Variants in DPYSL4 observed in about 807,000 individuals in gnomAD.
The protein encoded by DPYSL4 is dihydropyrimidinase-related protein 4.
DPYSL4 carries 43 observed loss-of-function variants against 63.4 expected under a neutral mutation model. The ratio of observed to expected loss-of-function variants is 0.68; its 90% CI spans 0.53 to 0.88. DPYSL4 has a LOEUF of 0.88. DPYSL4 is among the 40% of genes least tolerant of loss of function. The probability of loss-of-function intolerance (pLI) is 0.00; values close to 1 mark genes in which losing one functional copy is unlikely to be tolerated. For missense variants in DPYSL4, 733 were observed against 819.5 expected (o/e 0.89, Z 1.29); for synonymous variants, 353 against 331.7 (o/e 1.06, Z -0.70).
intron 4 of DPYSL4, 93 bp from the exon 5 acceptor site, chr10:132,196,768 G>A (rs2137512033): frequency 6.9e-7 from 1 of 1,453,478 alleles, no homozygotes; most frequent in Non-Finnish European, 9.6e-7. Context: ...AGGGGCCCAA[G>A]ACCCCCAACC....
rs2062058297 is a variant in DPYSL4, at chr10:132,203,903, C to T, written c.1603C>T (p.His535Tyr). Residue 535 changes from histidine to tyrosine, a missense_variant, in exon 13 of 14, where the codon CAT becomes TAT. His to Tyr is a moderately conservative substitution (Grantham distance 83). Coordinates refer to ENST00000338492, the MANE Select transcript of DPYSL4 (RefSeq NM_006426.3). The stretch of plus-strand genomic sequence containing the variant: ...CTCCGTCCCTCCTGTGCGCAACCTA[C>T]ATCAGTCGGGGTTCAGCCTATCTGG... ...KISVPPVRNL[H>Y]QSGFSLSGSQ... is the part of the protein sequence containing the mutation. The T allele has an allele frequency of 6.2e-7, 1 of 1,608,162 alleles. No homozygotes were observed.
rs1279673047 is a variant in DPYSL4 at position 132,192,551 on chromosome 10, C to T, written c.129-107C>T. 1.6e-5 allele frequency: 24 copies of T among 1,465,542 alleles called. 1 individual carries two copies. The highest frequency in any genetic ancestry group is 1.0e-4 in the South Asian group (7 of 67,702). 90.8% of individuals were successfully genotyped at this position (1,465,542 alleles called of 1,614,324 possible). On this transcript the variant is annotated intron_variant, in intron 2 of 13. Transcript: ENST00000338492. Reference sequence around the variant, plus strand: ...TGGCCGGCCGTGCTGGCCTTTTCCTCGGGGTCTGGAGCTCATGCAAACCCT... The same window carrying T: ...TGGCCGGCCGTGCTGGCCTTTTCCTTGGGGTCTGGAGCTCATGCAAACCCT...
In DPYSL4 at chr10:132,189,031, C is replaced by T. The variant is rs142409920; in HGVS notation, c.40-1716C>T. On this transcript the variant is annotated intron_variant, in intron 1 of 13. Transcript: ENST00000338492. ...TGTAATGGAGTTCCTAGATAATGAA[C>T]TCCTTCTCATTCTGAGAGTTTTACC... Among the ~76,000 whole-genome samples the T allele has an allele frequency of 8.4e-3, 1,277 of 152,316 alleles. 19 individuals carry two copies. Among genetic ancestry groups the T allele is most frequent in the African/African-American group, 0.029 (1,202 of 41,554 alleles).
chr10:132,203,608 G>C (rs1040747579), intron 12 of DPYSL4, 154 bp from the exon 13 acceptor site: 23 of 695,112 alleles, frequency 3.3e-5, no homozygotes, highest in Non-Finnish European at 5.2e-5. Context: ...CCCCCCCAGG[G>C]CAGCCCCAAA....
rs190932884 is a variant in DPYSL4, at chr10:132,191,205, G to A, written c.128+370G>A. 3.7e-4 allele frequency among the ~76,000 whole-genome samples: 28 copies of A among 76,392 alleles called. 5 individuals carry two copies. Among genetic ancestry groups the A allele is most frequent in the Non-Finnish European group, 3.8e-4 (14 of 36,728 alleles). The allele number at this position is 76,392 out of a possible 152,430, so 50.1% of individuals were successfully genotyped here. ...AGTTGAAAGTATGTTCCCAGCTCTT[G>A]TGTACACACTGGTCACGTGGTATCC... is the stretch of plus-strand genomic sequence containing the variant. On this transcript the variant is annotated intron_variant, in intron 2 of 13. Transcript: ENST00000338492.
chr10:132,202,264 G>A, intron 11 of DPYSL4, 148 bp downstream of exon 11: 1 of 1,061,470 alleles, frequency 9.4e-7, no homozygotes, highest in Non-Finnish European at 1.3e-6. Context: ...CCTGTCCCAG[G>A]CCAGACACTG....
At position 132,200,436 on chromosome 10, in the gene DPYSL4, G is replaced by A; in HGVS notation, c.892G>A (p.Ala298Thr). The A allele has an allele frequency of 1.2e-6, 2 of 1,613,556 alleles. No homozygotes were observed. Among genetic ancestry groups the A allele is most frequent in the Non-Finnish European group, 1.7e-6 (2 of 1,179,924 alleles). ...CTACTGGAGCAAGAACTGGGCCAAGGCCGCAGCCTTCGTCACATCACCCCC... is the reference window on the plus strand; with the variant it reads ...CTACTGGAGCAAGAACTGGGCCAAGACCGCAGCCTTCGTCACATCACCCCC... Reference protein sequence around the residue: ...SHYWSKNWAKAAAFVTSPPVN... With the variant: ...SHYWSKNWAKTAAFVTSPPVN... The change falls in exon 9 of 14, where the codon GCC becomes ACC. Residue 298 changes from alanine (A) to threonine (T), a missense_variant. Coordinates refer to ENST00000338492, the MANE Select transcript of DPYSL4 (RefSeq NM_006426.3).
intron 3 of DPYSL4, among the ~76,000 whole-genome samples, chr10:132,194,269 G>C (rs1174733065): frequency 6.6e-6 from 1 of 152,258 alleles, no homozygotes. Flanking sequence ...GCTTGGAGCT[G>C]TGTCTGGCTG....
At chr10:132,199,838 G>C (rs895942442) in intron 8 of DPYSL4, among the ~76,000 whole-genome samples, 1 of 151,930 alleles carries the variant, frequency 6.6e-6, no homozygotes, top group African/African-American at 2.4e-5. Flanking sequence ...GCCTCACTCA[G>C]GACACCAAGC....
In DPYSL4 at chr10:132,198,923, G is replaced by T; in HGVS notation, c.763G>T (p.Val255Leu). 6.2e-7 allele frequency: 1 copy of T among 1,612,910 alleles called. No individual in the cohort carries two copies. The highest frequency in any genetic ancestry group is 1.1e-5 in the South Asian group (1 of 91,086). ...AAACTGCCCGCTGTACGTCACCAAGGTGATGAGCAAGGGGGCGGCCGACGC... is the reference window on the plus strand; with the variant it reads ...AAACTGCCCGCTGTACGTCACCAAGTTGATGAGCAAGGGGGCGGCCGACGC... Reference protein sequence around the residue: ...QANCPLYVTKVMSKGAADAIA... With the variant: ...QANCPLYVTKLMSKGAADAIA... The change falls in exon 8 of 14, where the codon GTG becomes TTG. Residue 255 changes from valine to leucine, a missense_variant. Transcript: ENST00000338492.
rs1042640872 is a variant in DPYSL4 at position 132,198,398 on chromosome 10, C to A, written c.622-17C>A. On this transcript the variant is annotated splice_polypyrimidine_tract_variant and intron_variant, in intron 6 of 13. Transcript: ENST00000338492. Reference sequence around the variant, plus strand: ...CCCTTCAGGGCTTGGAGCGAGGCATCCTGTTGGTTTCTTTAGGAGCAGAAG... The same window carrying A: ...CCCTTCAGGGCTTGGAGCGAGGCATACTGTTGGTTTCTTTAGGAGCAGAAG... 4 of 1,601,066 alleles carry A rather than the reference C, an allele frequency of 2.5e-6. No homozygotes were observed. In the African/African-American group the frequency reaches 5.3e-5, roughly 21 times the overall value.
intron 3 of DPYSL4, 117 bp downstream of exon 3, chr10:132,192,959 C>T: frequency 9.6e-7 from 1 of 1,041,476 alleles, no homozygotes; most frequent in Admixed American, 3.0e-5. Flanking sequence ...CAGCTGTCTG[C>T]CTTTATTGCA....
At chr10:132,197,191 A>T in intron 6 of DPYSL4, 90 bp downstream of exon 6, 1 of 1,161,004 alleles carries the variant, frequency 8.6e-7, no homozygotes, top group Non-Finnish European at 1.2e-6. Context: ...TCTGAGGGTG[A>T]CTTTCATGAT....
At chr10:132,202,892 G>T in intron 12 of DPYSL4, 67 bp downstream of exon 12, 1 of 1,508,614 alleles carries the variant, frequency 6.6e-7, no homozygotes. Flanking sequence ...GGCCCAGAAC[G>T]CACCCCTGGT....
intron 9 of DPYSL4, 44 bp from the exon 10 acceptor site, chr10:132,200,798 C>T (rs555551005): frequency 1.4e-5 from 23 of 1,595,094 alleles, no homozygotes; most frequent in South Asian, 7.9e-5. Flanking sequence ...TGGCCTCTGC[C>T]GGCTCAGGAA....
chr10:132,199,012 T>G (rs750880077), intron 8 of DPYSL4, 41 bp downstream of exon 8: 15 of 1,595,938 alleles, frequency 9.4e-6, no homozygotes, highest in Non-Finnish European at 1.2e-5. Flanking sequence ...GGGGCCATGG[T>G]CTCGGCCTCC....
Position 132,204,874 on chromosome 10 carries a change from G to A in DPYSL4, c.1663G>A (p.Ala555Thr). The A allele has an allele frequency of 6.2e-7, 1 of 1,612,904 alleles. No individual in the cohort carries two copies. Among genetic ancestry groups the A allele is most frequent in the East Asian group, 2.2e-5 (1 of 44,838 alleles). The change falls in exon 14 of 14, where the codon GCA becomes ACA. Residue 555 changes from alanine to threonine, a missense_variant. Ala to Thr is a moderately conservative substitution (Grantham distance 58). Transcript: ENST00000338492. The part of the protein sequence containing the change: ...QADDHIARRT[A>T]QKIMAPPGGR... The stretch of plus-strand genomic sequence containing the variant: ...TGATGACCACATCGCCCGACGCACA[G>A]CACAGAAGATCATGGCACCACCTGG...
chr10:132,199,863 A>AG (rs1273565971), intron 8 of DPYSL4, among the ~76,000 whole-genome samples: 4 of 151,436 alleles, frequency 2.6e-5, no homozygotes, highest in South Asian at 4.2e-4. Context: ...TCGGGGCAGC[A>AG]GGCCAGGCCC....
rs774018210 is a variant in DPYSL4, at chr10:132,187,062, G to A, written c.-2G>A. ...CCCCTACCAGAGACCCCCAGGAGCA[G>A]GATGTCCTTCCAGGGCAAGAAAAGC... On this transcript the variant is annotated 5_prime_UTR_variant, in exon 1 of 14. Coordinates refer to ENST00000338492, the MANE Select transcript of DPYSL4 (RefSeq NM_006426.3). The A allele has an allele frequency of 5.3e-5, 68 of 1,284,516 alleles. No individual in the cohort carries two copies. The Admixed American group carries it at 1.6e-3, about 31-fold the overall frequency. 79.6% of individuals were successfully genotyped at this position (1,284,516 alleles called of 1,614,324 possible).
Sources: allele counts gnomAD v4.1 joint callset (sites outside exome capture counted in the v4.1 genomes callset), GRCh38; gene constraint gnomAD v4.1.1; transcripts MANE v1.5; gene names NCBI Gene and HGNC (gene_info 2026-07-23, HGNC 2026-07-21).